ABCA6: variants seen among roughly 807,000 people sequenced by gnomAD.
The protein encoded by ABCA6 is ATP binding cassette subfamily A member 6, also known as ATP-binding cassette sub-family A member 6.
Under a neutral mutation model 191.2 loss-of-function variants are expected in ABCA6, and 164 were observed. The observed-to-expected ratio is 0.86, with a 90% CI of 0.76 to 0.98. The LOEUF is 0.98. ABCA6 is among the 50% of genes least tolerant of loss of function. The probability of loss-of-function intolerance (pLI) is 0.00; values close to 1 mark genes in which losing one functional copy is unlikely to be tolerated. For missense variants in ABCA6, 1,958 were observed against 1,894.1 expected, an observed-to-expected ratio of 1.03 and a Z score of -0.63; for synonymous variants, 636 against 647.7, an observed-to-expected ratio of 0.98 and a Z score of 0.27.
intron 20 of ABCA6, among the ~76,000 whole-genome samples, chr17:69,103,261 T>C (rs2073221013): frequency 6.6e-6 from 1 of 152,100 alleles, no homozygotes; most frequent in Non-Finnish European, 1.5e-5. Context: ...AACAACAACA[T>C]TTGAATTGAA....
intron 1 of ABCA6, 124 bp from the exon 2 acceptor site, chr17:69,140,872 T>C (rs1165986629): frequency 2.5e-6 from 1 of 399,340 alleles, no homozygotes; most frequent in East Asian, 3.8e-5. Context: ...CTGTAAAATT[T>C]CACCTCAAAT....
chr17:69,084,964 TTCA>T (rs2072741358), intron 32 of ABCA6, 61 bp downstream of exon 32: 1 of 1,507,528 alleles, frequency 6.6e-7, no homozygotes, highest in Non-Finnish European at 8.8e-7. Flanking sequence ...TATTAGTGAA[TTCA>T]TCATCAGTGC....
Position 69,084,413 on chromosome 17 carries a change from C to T in ABCA6, c.4260+19G>A, listed in dbSNP as rs750668985. 6.2e-7 allele frequency: 1 copy of T among 1,614,132 alleles called. No homozygotes were observed. The highest frequency in any genetic ancestry group is 8.5e-7 in the Non-Finnish European group (1 of 1,179,982). Reference sequence around the variant, plus strand: ...CATACCACACCAGCTCTCCATAGAGCATCACACACCGCACGTACCTTTCTC... The same window carrying T: ...CATACCACACCAGCTCTCCATAGAGTATCACACACCGCACGTACCTTTCTC... On this transcript the variant is annotated intron_variant, in intron 33 of 38. Coordinates refer to ENST00000284425, the MANE Select transcript of ABCA6 (RefSeq NM_080284.3).
intron 24 of ABCA6, 113 bp downstream of exon 24, chr17:69,096,515 G>A: frequency 1.0e-6 from 1 of 953,370 alleles, no homozygotes; most frequent in Non-Finnish European, 1.4e-6. Flanking sequence ...CATGTTTTTT[G>A]TTTTGGTTTA....
chr17:69,102,057 A>G (rs769523257), intron 21 of ABCA6, among the ~76,000 whole-genome samples: 1 of 152,152 alleles, frequency 6.6e-6, no homozygotes, highest in Non-Finnish European at 1.5e-5. Context: ...ATTAAGATGT[A>G]TTTTTAAACC....
Position 69,107,707 on chromosome 17 carries a change from G to T in ABCA6, c.2378C>A (p.Thr793Asn). 2 of 1,602,326 alleles carry T rather than the reference G, an allele frequency of 1.2e-6. No homozygotes were observed. The highest frequency in any genetic ancestry group is 1.7e-6 in the Non-Finnish European group (2 of 1,171,982). ...ACAAATGGCTTTACCTTGTTCGATA[G>T]TTGACTGTCCTTCCAGTTTCATAAA... ...EVFMKLEGQS[T>N]IEQDFEQVEM... The change falls in exon 18 of 39, where the codon ACT becomes AAT. Residue 793 changes from threonine to asparagine, a missense_variant. Coordinates refer to ENST00000284425, the MANE Select transcript of ABCA6 (RefSeq NM_080284.3).
intron 1 of ABCA6, among the ~76,000 whole-genome samples, chr17:69,141,057 G>T (rs1056647681): frequency 1.3e-5 from 2 of 152,082 alleles, no homozygotes; most frequent in African/African-American, 4.8e-5. Context: ...TGAATAGAGT[G>T]ATTAAATTAA....
intron 2 of ABCA6, 78 bp downstream of exon 2, chr17:69,140,528 AAG>A: frequency 4.0e-6 from 3 of 741,938 alleles, no homozygotes; most frequent in Non-Finnish European, 6.2e-6. Context: ...TACTAATTAA[AAG>A]AGAACATAAG....
intron 3 of ABCA6, 111 bp from the exon 4 acceptor site, chr17:69,136,361 C>A (rs1403686984): frequency 2.2e-6 from 2 of 901,772 alleles, no homozygotes; most frequent in East Asian, 6.0e-5. Flanking sequence ...AAATTAAAAT[C>A]ATTTTCCATT....
At chr17:69,123,691 G>A (rs1459930585) in intron 9 of ABCA6, among the ~76,000 whole-genome samples, 1 of 152,002 alleles carries the variant, frequency 6.6e-6, no homozygotes, top group East Asian at 1.9e-4. Flanking sequence ...AGTGAGGTTC[G>A]AATAAAATAT....
At chr17:69,130,214 G>A (rs1178992533) in intron 6 of ABCA6, among the ~76,000 whole-genome samples, 1 of 152,040 alleles carries the variant, frequency 6.6e-6, no homozygotes, top group Non-Finnish European at 1.5e-5. Flanking sequence ...CTACTCGGGA[G>A]GCTGAGGCAG....
At chr17:69,123,697 A>C (rs1396298702) in intron 9 of ABCA6, among the ~76,000 whole-genome samples, 1 of 152,086 alleles carries the variant, frequency 6.6e-6, no homozygotes, top group Non-Finnish European at 1.5e-5. Context: ...GTTCGAATAA[A>C]ATATTAGGTG....
chr17:69,134,997 C>G (rs949236943), intron 4 of ABCA6, among the ~76,000 whole-genome samples: 1 of 149,142 alleles, frequency 6.7e-6, no homozygotes, highest in African/African-American at 2.5e-5. Context: ...ATTCTCCTAC[C>G]TCAGCCTCCC....
intron 26 of ABCA6, among the ~76,000 whole-genome samples, chr17:69,090,075 C>G (rs1359278515): frequency 1.3e-5 from 2 of 152,140 alleles, no homozygotes; most frequent in Non-Finnish European, 2.9e-5. Context: ...CATGACAGAT[C>G]AAGATGAATG....
At position 69,115,560 on chromosome 17, in the gene ABCA6, C is replaced by T. The variant is rs368892925; in HGVS notation, c.1496-74G>A. 22 of 1,014,962 alleles carry T rather than the reference C, an allele frequency of 2.2e-5. No homozygotes were observed. The East Asian group carries it at 5.0e-4, about 23-fold the overall frequency. The allele number at this position is 1,014,962 out of a possible 1,614,324, so 62.9% of individuals were successfully genotyped here. The stretch of plus-strand genomic sequence containing the variant: ...AGGCATTAGACAGGCCTGGTCCCAA[C>T]ATAGAACAAGGCTATTTAGTTTAGT... On this transcript the variant is annotated intron_variant, in intron 11 of 38. Transcript: ENST00000284425.
rs187035438 is a variant in ABCA6 at position 69,120,465 on chromosome 17, G to A, written c.1437-2509C>T. Among the ~76,000 whole-genome samples, 327 of 152,094 alleles carry A rather than the reference G, an allele frequency of 2.1e-3. 1 individual carries two copies. Among genetic ancestry groups the A allele is most frequent in the African/African-American group, 7.7e-3 (318 of 41,544 alleles). On this transcript the variant is annotated intron_variant, in intron 10 of 38. Transcript: ENST00000284425. ...CTACATTTATCAGATTGAATTTCAT[G>A]TACCTATTTATTTTGTTCCCTGTGT...
rs373803330 is a variant in ABCA6 at position 69,106,941 on chromosome 17, C to T, written c.2390-730G>A. Among the ~76,000 whole-genome samples, 6 of 152,170 alleles carry T rather than the reference C, an allele frequency of 3.9e-5. No individual in the cohort carries two copies. The South Asian group carries it at 1.0e-3, about 26-fold the overall frequency. ...AATCTTTGAAAAGCAAAGAAATTCCCAAGAGTATCATTCCTCTGAGGGATT... is the reference window on the plus strand; with the variant it reads ...AATCTTTGAAAAGCAAAGAAATTCCTAAGAGTATCATTCCTCTGAGGGATT... On this transcript the variant is annotated intron_variant, in intron 18 of 38. Coordinates refer to ENST00000284425, the MANE Select transcript of ABCA6 (RefSeq NM_080284.3).
intron 5 of ABCA6, 80 bp downstream of exon 5, chr17:69,134,559 C>T (rs1175687722): frequency 8.9e-6 from 9 of 1,007,374 alleles, no homozygotes; most frequent in South Asian, 2.8e-5. Context: ...CGGACTAAGA[C>T]AATTATCTTT....
In ABCA6 at chr17:69,110,960, A is replaced by G; in HGVS notation, c.2133-20T>C. 2 of 1,572,180 alleles carry G rather than the reference A, an allele frequency of 1.3e-6. No individual in the cohort carries two copies. The highest frequency in any genetic ancestry group is 1.7e-6 in the Non-Finnish European group (2 of 1,162,652). Reference sequence around the variant, plus strand: ...TGTAAACTAATATTTAAAAGAAAAGATAAGTCATTTGCATTTTCTCCACCA... The same window carrying G: ...TGTAAACTAATATTTAAAAGAAAAGGTAAGTCATTTGCATTTTCTCCACCA... On this transcript the variant is annotated intron_variant, in intron 16 of 38. Transcript: ENST00000284425.
Sources: gnomAD v4.1 joint callset for allele counts (sites outside exome capture counted in the v4.1 genomes callset) on GRCh38, gnomAD v4.1.1 for gene constraint, MANE v1.5 for transcripts, NCBI Gene and HGNC (gene_info 2026-07-23, HGNC 2026-07-21) for gene names.